Variants in SPMAP2 observed in about 807,000 individuals in gnomAD.
SPMAP2 encodes Theg homolog.
chr19:362,432 G>C, the SPMAP2 span: 29,634 of 1,593,008 alleles, frequency 0.019, 1,297 homozygotes, highest in East Asian at 0.19. Flanking sequence ...GGGCCCTAGT[G>C]GGGGCAGAAG....
chr19:368,344 C>T, the SPMAP2 span, among the ~76,000 whole-genome samples: 1 of 152,148 alleles, frequency 6.6e-6, no homozygotes, highest in Non-Finnish European at 1.5e-5. The surrounding 1 kb of genome is among the most constrained non-coding windows in gnomAD (Gnocchi z 4.1). Context: ...TCCCCTTCAC[C>T]AGGCTTGCTC....
At chr19:374,121 G>A in the SPMAP2 span, 11 of 1,455,772 alleles carry the variant, frequency 7.6e-6, no homozygotes, top group Non-Finnish European at 1.0e-5. Context: ...CCGTTCCCTA[G>A]CCACTCCCAG....
At chr19:364,298 C>T in the SPMAP2 span, among the ~76,000 whole-genome samples, 90 of 140,402 alleles carry the variant, frequency 6.4e-4, no homozygotes, top group Non-Finnish European at 2.9e-4. Context: ...GATCGCGCCA[C>T]TGCGCTCCAG....
the SPMAP2 span, among the ~76,000 whole-genome samples, chr19:370,121 G>T: frequency 6.6e-6 from 1 of 151,742 alleles, no homozygotes; most frequent in African/African-American, 2.4e-5. Flanking sequence ...GCGCCTGAGC[G>T]CAATCCCCAC....
chr19:374,077 C>T, the SPMAP2 span: 2 of 1,553,096 alleles, frequency 1.3e-6, no homozygotes, highest in Non-Finnish European at 1.8e-6. Flanking sequence ...CTCCCAAACT[C>T]CTCACTCTCC....
chr19:374,741 T>C, the SPMAP2 span: 1 of 313,224 alleles, frequency 3.2e-6, no homozygotes, highest in Non-Finnish European at 6.0e-6. Context: ...AAGGTAGTGT[T>C]TACTCATCTC....
At chr19:362,110 G>A in the SPMAP2 span, 1 of 990,874 alleles carries the variant, frequency 1.0e-6, no homozygotes, top group Non-Finnish European at 1.4e-6. Context: ...TGGCCTTCTA[G>A]CCCGCCCTCC....
At chr19:368,252 C>T in the SPMAP2 span, among the ~76,000 whole-genome samples, 16 of 152,202 alleles carry the variant, frequency 1.1e-4, no homozygotes, top group Middle Eastern at 3.2e-3. This position sits in a 1 kb window ranked among gnomAD's most constrained non-coding sequence, Gnocchi z 4.1. Flanking sequence ...CACCAGCCTA[C>T]GCAGAGACTG....
chr19:372,746 C>T, the SPMAP2 span: 6 of 1,585,952 alleles, frequency 3.8e-6, no homozygotes, highest in Non-Finnish European at 5.2e-6. Context: ...GTGTCAACAC[C>T]CTGCAGTTCC....
chr19:369,399 C>G, the SPMAP2 span, among the ~76,000 whole-genome samples: 2 of 151,696 alleles, frequency 1.3e-5, no homozygotes, highest in East Asian at 3.9e-4. Context: ...CTTCCACTCC[C>G]CGCCCGGAGA....
the SPMAP2 span, among the ~76,000 whole-genome samples, chr19:363,812 G>C: frequency 6.6e-6 from 1 of 151,986 alleles, no homozygotes; most frequent in African/African-American, 2.4e-5. Flanking sequence ...TGGGATTACA[G>C]GTGTGGGCCA....
At chr19:374,054 G>C in the SPMAP2 span, 1 of 1,595,836 alleles carries the variant, frequency 6.3e-7, no homozygotes. Context: ...TCTTGCCCTG[G>C]GTCTCCCGTT....
At chr19:371,396 G>GTGTGTATGTC in the SPMAP2 span, 1 of 613,714 alleles carries the variant, frequency 1.6e-6, no homozygotes, top group South Asian at 3.9e-5. Flanking sequence ...GTGTGTGTGT[G>GTGTGTATGTC]TGTGTGTGTA....
At chr19:366,444 C>A in the SPMAP2 span, among the ~76,000 whole-genome samples, 1 of 152,106 alleles carries the variant, frequency 6.6e-6, no homozygotes, top group Non-Finnish European at 1.5e-5. Flanking sequence ...GGCAGTGCTG[C>A]ATCAGCCCTC....
At chr19:371,678 C>T in the SPMAP2 span, among the ~76,000 whole-genome samples, 57 of 152,296 alleles carry the variant, frequency 3.7e-4, no homozygotes, top group Admixed American at 3.7e-3. Flanking sequence ...CTCTACACAC[C>T]CCCATCATCA....
At chr19:365,620 T>C in the SPMAP2 span, among the ~76,000 whole-genome samples, 1,153 of 33,192 alleles carry the variant, frequency 0.035, 46 homozygotes, top group Middle Eastern at 0.09. Context: ...TACCCCCACA[T>C]AGCAAGTGCG....
At chr19:362,167 G>C in the SPMAP2 span, 1 of 1,433,072 alleles carries the variant, frequency 7.0e-7, no homozygotes, top group East Asian at 2.5e-5. Context: ...ACAGGGTTAG[G>C]GTGCCTGAGG....
At chr19:366,536 C>G in the SPMAP2 span, among the ~76,000 whole-genome samples, 1 of 152,234 alleles carries the variant, frequency 6.6e-6, no homozygotes, top group Non-Finnish European at 1.5e-5. Context: ...GAAAAGGCCC[C>G]ATAAGCGAAG....
At chr19:366,926 C>T in the SPMAP2 span, 4,269 of 1,007,384 alleles carry the variant, frequency 4.2e-3, 117 homozygotes, top group African/African-American at 0.058. Flanking sequence ...CCTCTGCTTC[C>T]GGACCACACG....
Sources: gnomAD v4.1 joint callset for allele counts (sites outside exome capture counted in the v4.1 genomes callset) on GRCh38, gnomAD v4.1.1 for gene constraint, Gnocchi (gnomAD v3.1) non-coding constraint, MANE v1.5 for transcripts, NCBI Gene and HGNC (gene_info 2026-07-23, HGNC 2026-07-21) for gene names.